Variants in AHCTF1 observed in about 807,000 individuals in gnomAD.
AHCTF1 encodes the protein protein ELYS.
A neutral mutation model predicts 248.4 loss-of-function variants in AHCTF1; 24 were observed. That is an observed-to-expected ratio of 0.10 (90% CI 0.07 to 0.14). AHCTF1 has a LOEUF of 0.14. Ranked by LOEUF, AHCTF1 falls within the 10% of genes least tolerant of loss-of-function variation. The pLI, the probability that AHCTF1 is intolerant of heterozygous loss-of-function variation, is 1.00. For synonymous variants in AHCTF1, 786 were observed against 929.8 expected (o/e 0.85, Z 2.81); for missense variants, 2,206 against 2,636.2 (o/e 0.84, Z 3.57).
chr1:246,931,378 G>T, intron 1 of AHCTF1, 200 bp downstream of exon 1: 1 of 1,510,374 alleles, frequency 6.6e-7, no homozygotes, highest in Admixed American at 2.0e-5. Flanking sequence ...CGGCGCCCGC[G>T]AGCCTGCCGT....
chr1:246,846,702 A>C (rs898802051), intron 33 of AHCTF1, among the ~76,000 whole-genome samples: 22 of 151,788 alleles, frequency 1.4e-4, no homozygotes, highest in Admixed American at 1.4e-3. Flanking sequence ...AAAAAGAAAT[A>C]TTACGTTTAA....
chr1:246,903,614 G>A (rs1171297784), intron 7 of AHCTF1, among the ~76,000 whole-genome samples: 1 of 151,224 alleles, frequency 6.6e-6, no homozygotes, highest in Non-Finnish European at 1.5e-5. Context: ...TGGATCACGA[G>A]GTCAGGAGTT....
intron 12 of AHCTF1, 115 bp from the exon 13 acceptor site, chr1:246,896,040 T>C (rs903411597): frequency 1.4e-6 from 1 of 696,286 alleles, no homozygotes; most frequent in Non-Finnish European, 2.5e-6. Flanking sequence ...GTATGACCCA[T>C]AAGAAGGGCT....
At position 246,850,225 on chromosome 1, in the gene AHCTF1, G is replaced by C. The variant is rs766925637; in HGVS notation, c.5781C>G (p.Asp1927Glu). 1.2e-6 allele frequency: 2 copies of C among 1,613,858 alleles called. No individual in the cohort carries two copies. Among genetic ancestry groups the C allele is most frequent in the Non-Finnish European group, 1.7e-6 (2 of 1,179,852 alleles). Residue 1927 changes from aspartate (D) to glutamate (E), a missense_variant, in exon 33 of 36, where the codon GAC becomes GAG. Physicochemically the swap from Asp to Glu is conservative, Grantham distance 45. This residue lies in a region of AHCTF1 where 469 missense variants were observed against 470.0 expected (regional missense o/e 1.00). Transcript: ENST00000648844. Reference protein sequence around the residue: ...TGNKQDDKSSDKQLRIKHVRR... With the variant: ...TGNKQDDKSSEKQLRIKHVRR... ...TAACATGTTTAATACGCAGCTGCTT[G>C]TCACTGGATTTATCATCTTGCTTAT...
chr1:246,908,927 G>GA (rs1665590013), intron 4 of AHCTF1, among the ~76,000 whole-genome samples: 1 of 150,360 alleles, frequency 6.7e-6, no homozygotes, highest in South Asian at 2.1e-4. Flanking sequence ...GAATCTTAAT[G>GA]AATGAAACAA....
intron 24 of AHCTF1, among the ~76,000 whole-genome samples, chr1:246,873,066 G>A (rs1307356873): frequency 1.3e-5 from 2 of 152,136 alleles, no homozygotes; most frequent in Non-Finnish European, 2.9e-5. Context: ...TCCTGCACCA[G>A]AGCCCTCAGA....
intron 1 of AHCTF1, among the ~76,000 whole-genome samples, chr1:246,918,932 G>C (rs901570779): frequency 6.6e-6 from 1 of 152,266 alleles, no homozygotes; most frequent in Admixed American, 6.5e-5. Flanking sequence ...CTTCAGTAAA[G>C]GGGGAGAAAG....
chr1:246,873,997 G>C (rs955796252), intron 24 of AHCTF1, among the ~76,000 whole-genome samples: 4 of 152,236 alleles, frequency 2.6e-5, no homozygotes, highest in African/African-American at 7.2e-5. Context: ...GGAGGTACCC[G>C]CTTGCTGCTT....
chr1:246,841,606 T>C (rs984185991), intron 35 of AHCTF1, among the ~76,000 whole-genome samples: 10 of 152,160 alleles, frequency 6.6e-5, no homozygotes, highest in Admixed American at 6.5e-4. Flanking sequence ...GCAGTTTTAG[T>C]GCTTTCTGTA....
chr1:246,868,905 T>C (rs368778976), intron 24 of AHCTF1, among the ~76,000 whole-genome samples: 3,207 of 148,290 alleles, frequency 0.022, 49 homozygotes, highest in Non-Finnish European at 0.032. Context: ...AGTGCAGTGG[T>C]GTGATCTCGG....
intron 5 of AHCTF1, among the ~76,000 whole-genome samples, chr1:246,906,212 T>C (rs1691243): frequency 0.04 from 6,135 of 152,178 alleles, 420 homozygotes; most frequent in African/African-American, 0.14. Context: ...CAAGAGATGA[T>C]AGTGTTAGAG....
At position 246,867,669 on chromosome 1, in the gene AHCTF1, A is replaced by G. The variant is rs769341551; in HGVS notation, c.3231T>C (p.Pro1077=). 3.2e-5 allele frequency: 51 copies of G among 1,611,524 alleles called. No homozygotes were observed. The highest frequency in any genetic ancestry group is 4.2e-5 in the Non-Finnish European group (49 of 1,179,740). ...CGTGTAAGAAAACATACCTATTGAA[A>G]GGTGTGGTGCTATTTATAGGTTCTT... is the stretch of plus-strand genomic sequence containing the variant. ...ASKEPINSTT[P]FNSSKIEEPS... Residue 1077 remains proline, a synonymous_variant, in exon 25 of 36, where the codon CCT becomes CCC. Coordinates refer to ENST00000648844, the MANE Select transcript of AHCTF1 (RefSeq NM_001323342.2).
chr1:246,901,471 A>C (rs1371048400), intron 8 of AHCTF1, among the ~76,000 whole-genome samples: 1 of 152,144 alleles, frequency 6.6e-6, no homozygotes, highest in Non-Finnish European at 1.5e-5. Context: ...AAATATACAA[A>C]AAATTAGCTG....
At position 246,918,305 on chromosome 1, in the gene AHCTF1, G is replaced by C. The variant is rs368383090; in HGVS notation, c.66C>G (p.Ala22=). Residue 22 remains alanine (A), a synonymous_variant, in exon 2 of 36, where the codon GCC becomes GCG. Transcript: ENST00000648844. The stretch of plus-strand genomic sequence containing the variant: ...CTAATGTTATTTCGTCTTCTCCAAG[G>C]GCTTGAAGAGTCACTTCTGGAAATG... ...LLPFPEVTLQ[A]LGEDEITLES... is the part of the protein sequence containing the mutation. 6.2e-7 allele frequency: 1 copy of C among 1,612,830 alleles called. No individual in the cohort carries two copies. The highest frequency in any genetic ancestry group is 1.1e-5 in the South Asian group (1 of 90,930).
intron 14 of AHCTF1, among the ~76,000 whole-genome samples, chr1:246,893,568 G>A (rs1055380531): frequency 2.6e-5 from 4 of 152,072 alleles, no homozygotes; most frequent in African/African-American, 9.7e-5. Flanking sequence ...TAATATTCAT[G>A]ACATACCTCA....
chr1:246,868,849 T>G (rs1553291552), intron 24 of AHCTF1, among the ~76,000 whole-genome samples: 6 of 62,604 alleles, frequency 9.6e-5, no homozygotes, highest in South Asian at 4.7e-4. Context: ...GTTTTTTGTT[T>G]TTTTTTTTTT....
intron 12 of AHCTF1, among the ~76,000 whole-genome samples, chr1:246,896,596 G>A (rs1400749581): frequency 6.6e-6 from 1 of 152,130 alleles, no homozygotes; most frequent in Non-Finnish European, 1.5e-5. Context: ...GACTGTTTAT[G>A]GGCATAGAAC....
intron 30 of AHCTF1, among the ~76,000 whole-genome samples, chr1:246,856,193 G>A (rs1558217321): frequency 6.6e-6 from 1 of 152,166 alleles, no homozygotes; most frequent in Non-Finnish European, 1.5e-5. Flanking sequence ...TATGAACTCA[G>A]TAGAGGCAAG....
At chr1:246,872,051 C>CAAAAAAAAAAAAAAAA in intron 24 of AHCTF1, among the ~76,000 whole-genome samples, 1 of 83,728 alleles carries the variant, frequency 1.2e-5, no homozygotes, top group Non-Finnish European at 2.7e-5. Context: ...CTATTAATGA[C>CAAAAAAAAAAAAAAAA]AAAAAAAAAA....
Sources: allele counts gnomAD v4.1 joint callset (sites outside exome capture counted in the v4.1 genomes callset), GRCh38; gene constraint gnomAD v4.1.1; regional missense constraint gnomAD v4.1.1; transcripts MANE v1.5; gene names NCBI Gene and HGNC (gene_info 2026-07-23, HGNC 2026-07-21).